Variants in DTWD2 observed in about 807,000 individuals in gnomAD.
DTWD2 encodes the protein DTW motif tRNA-uridine aminocarboxypropyltransferase 2, also known as tRNA-uridine aminocarboxypropyltransferase 2.
DTWD2 carries 39 observed loss-of-function variants against 31.8 expected under a neutral mutation model. That is an observed-to-expected ratio of 1.22 (90% confidence interval 0.95 to 1.60). The LOEUF is 1.60. Ranked by LOEUF, DTWD2 falls within the 40% of genes most tolerant of loss-of-function variation. The pLI is 0.00. For missense variants in DTWD2, 515 were observed against 381.5 expected (o/e 1.35, Z -2.92); for synonymous variants, 180 against 142.8 (o/e 1.26, Z -1.86).
chr5:118,930,416 T>C (rs1561459943), intron 3 of DTWD2, among the ~76,000 whole-genome samples: 1 of 151,732 alleles, frequency 6.6e-6, no homozygotes, highest in East Asian at 1.9e-4. Flanking sequence ...AGCTCAGAAA[T>C]AAAGAGTTTG....
chr5:118,885,311 G>A (rs970275640), intron 4 of DTWD2, among the ~76,000 whole-genome samples: 8 of 151,726 alleles, frequency 5.3e-5, no homozygotes, highest in African/African-American at 1.9e-4. Flanking sequence ...AAATTAGCTG[G>A]GTGTGGTGGC....
Position 118,858,287 on chromosome 5 carries a change from G to C in DTWD2, c.598-10069C>G, listed in dbSNP as rs369955805. 2.0e-5 allele frequency among the ~76,000 whole-genome samples: 3 copies of C among 152,214 alleles called. No homozygotes were observed. In the East Asian group the frequency reaches 5.8e-4, roughly 29 times the overall value. ...TGATTTAGAGAAAAGGTACTCAATG[G>C]AATTTAAGGGTTTCAGAAAAGAATA... On this transcript the variant is annotated intron_variant, in intron 4 of 5. Coordinates refer to ENST00000510708, the MANE Select transcript of DTWD2 (RefSeq NM_173666.4).
chr5:118,964,853 G>A (rs1338501491), intron 1 of DTWD2, among the ~76,000 whole-genome samples: 6 of 152,094 alleles, frequency 3.9e-5, no homozygotes, highest in African/African-American at 9.7e-5. Context: ...GCCTCTGCCC[G>A]GCCACCACCC....
intron 4 of DTWD2, among the ~76,000 whole-genome samples, chr5:118,890,668 T>G (rs1042803436): frequency 1.3e-5 from 2 of 148,766 alleles, no homozygotes; most frequent in African/African-American, 5.0e-5. Flanking sequence ...CCTCCCAGGT[T>G]CAAGCGATTC....
At chr5:118,853,720 G>A (rs554400223) in intron 4 of DTWD2, among the ~76,000 whole-genome samples, 23 of 152,222 alleles carry the variant, frequency 1.5e-4, no homozygotes, top group African/African-American at 5.5e-4. Flanking sequence ...AATAAAGATA[G>A]GACCCACAGA....
intron 4 of DTWD2, among the ~76,000 whole-genome samples, chr5:118,894,542 T>C (rs1034747720): frequency 2.6e-5 from 4 of 152,008 alleles, no homozygotes; most frequent in Non-Finnish European, 5.9e-5. Flanking sequence ...CCCAAAAATA[T>C]ACTCACACAT....
chr5:118,855,057 C>G (rs996695283), intron 4 of DTWD2, among the ~76,000 whole-genome samples: 1 of 151,280 alleles, frequency 6.6e-6, no homozygotes, highest in African/African-American at 2.4e-5. Context: ...GTCCCAGTTA[C>G]TCGGGAGTCT....
At chr5:118,960,239 G>A (rs1754676420) in intron 1 of DTWD2, among the ~76,000 whole-genome samples, 1 of 151,278 alleles carries the variant, frequency 6.6e-6, no homozygotes, top group South Asian at 2.1e-4. Flanking sequence ...AAATCTACAA[G>A]CAAAAAAAAC....
chr5:118,887,647 C>A (rs1247489854), intron 4 of DTWD2, among the ~76,000 whole-genome samples: 4 of 152,116 alleles, frequency 2.6e-5, no homozygotes, highest in Non-Finnish European at 5.9e-5. Flanking sequence ...AAGACAGGGA[C>A]TCGCTGTTTT....
intron 4 of DTWD2, among the ~76,000 whole-genome samples, chr5:118,857,372 T>C (rs1752161903): frequency 6.6e-6 from 1 of 152,138 alleles, no homozygotes; most frequent in Admixed American, 6.5e-5. Flanking sequence ...AAATGAAAAT[T>C]TTTACTTTGG....
intron 4 of DTWD2, among the ~76,000 whole-genome samples, chr5:118,869,438 G>C (rs1752454222): frequency 6.6e-6 from 1 of 152,054 alleles, no homozygotes; most frequent in Non-Finnish European, 1.5e-5. Context: ...GCAATCTTTA[G>C]GATAATTAAA....
At chr5:118,968,987 C>T (rs556545634) in intron 1 of DTWD2, among the ~76,000 whole-genome samples, 6 of 152,254 alleles carry the variant, frequency 3.9e-5, no homozygotes, top group Admixed American at 1.3e-4. Context: ...TCCAGCCTGC[C>T]GGCTCCTCTG....
At chr5:118,925,668 A>AC (rs1753793253) in intron 4 of DTWD2, among the ~76,000 whole-genome samples, 1 of 151,690 alleles carries the variant, frequency 6.6e-6, no homozygotes, top group Admixed American at 6.6e-5. Context: ...ACATGGTGAA[A>AC]CCCTGTCTCT....
In DTWD2 at chr5:118,877,343, G is replaced by A. The variant is rs1463300096; in HGVS notation, c.598-29125C>T. On this transcript the variant is annotated intron_variant, in intron 4 of 5. Coordinates refer to ENST00000510708, the MANE Select transcript of DTWD2 (RefSeq NM_173666.4). ...AAAAATTAGCCAGGCGTGGTGGCGG[G>A]TGCCTGTAGTCCCAGGTACTTGGGA... 3.3e-5 allele frequency among the ~76,000 whole-genome samples: 5 copies of A among 152,136 alleles called. No individual in the cohort carries two copies. In the East Asian group the frequency reaches 9.7e-4, roughly 30 times the overall value.
chr5:118,868,583 A>C (rs894112692), intron 4 of DTWD2, among the ~76,000 whole-genome samples: 1 of 152,168 alleles, frequency 6.6e-6, no homozygotes, highest in Non-Finnish European at 1.5e-5. Context: ...AATGCCTCTA[A>C]TCCCAACACT....
intron 1 of DTWD2, chr5:118,974,809 C>CA (rs963324301): frequency 0.01 from 3,273 of 316,064 alleles, 1 homozygote; most frequent in South Asian, 0.018. Flanking sequence ...GTTGTTCTAA[C>CA]AAAAAAAAAA....
intron 1 of DTWD2, among the ~76,000 whole-genome samples, chr5:118,952,530 A>G (rs539183216): frequency 1.3e-5 from 2 of 152,158 alleles, no homozygotes; most frequent in Non-Finnish European, 2.9e-5. Flanking sequence ...AAGGAATTTC[A>G]CAAGGTAATG....
At chr5:118,846,552 G>A (rs919727818) in intron 5 of DTWD2, among the ~76,000 whole-genome samples, 15 of 152,110 alleles carry the variant, frequency 9.9e-5, no homozygotes, top group Admixed American at 9.2e-4. Context: ...GATGTTGTCT[G>A]ATCCTAGAGT....
At chr5:118,905,199 C>T (rs1028699238) in intron 4 of DTWD2, among the ~76,000 whole-genome samples, 2 of 152,046 alleles carry the variant, frequency 1.3e-5, no homozygotes, top group South Asian at 2.1e-4. Context: ...AATATATTTT[C>T]TCTTTTATTT....
Sources: allele counts gnomAD v4.1 joint callset (sites outside exome capture counted in the v4.1 genomes callset), GRCh38; gene constraint gnomAD v4.1.1; transcripts MANE v1.5; gene names NCBI Gene and HGNC (gene_info 2026-07-23, HGNC 2026-07-21).